Variants in DLG2 observed in about 807,000 individuals in gnomAD.
DLG2 encodes the protein discs large MAGUK scaffold protein 2.
A neutral mutation model predicts 132.5 loss-of-function variants in DLG2; 45 were observed. The ratio of observed to expected loss-of-function variants is 0.34; its 90% CI spans 0.27 to 0.44. The LOEUF is 0.44. Among genes scored for constraint, DLG2 ranks in the 20% least tolerant of loss-of-function variants. The pLI, the probability that DLG2 is intolerant of heterozygous loss-of-function variation, is 1.00. For missense variants in DLG2, 1,045 were observed against 1,196.9 expected (o/e 0.87, Z 1.87); for synonymous variants, 424 against 419.6 (o/e 1.01, Z -0.13).
chr11:84,560,621 A>G (rs1262394426), intron 6 of DLG2, among the ~76,000 whole-genome samples: 2 of 152,108 alleles, frequency 1.3e-5, no homozygotes, highest in Non-Finnish European at 1.5e-5. Flanking sequence ...GAAAGGTAAA[A>G]TAAAACAAAT....
chr11:85,565,856 T>C (rs1321512858), intron 3 of DLG2, among the ~76,000 whole-genome samples: 2 of 152,168 alleles, frequency 1.3e-5, no homozygotes, highest in African/African-American at 4.8e-5. Context: ...TTCAATTCTC[T>C]TGGGTATATA....
At chr11:84,163,618 A>C (rs1056084904) in intron 8 of DLG2, 107 bp from the exon 9 acceptor site, 1 of 845,848 alleles carries the variant, frequency 1.2e-6, no homozygotes, top group South Asian at 1.7e-5. Context: ...CTAGCTATAA[A>C]TAACCACATT....
At chr11:84,910,936 CAAA>C (rs1246432697) in intron 6 of DLG2, among the ~76,000 whole-genome samples, 5 of 151,902 alleles carry the variant, frequency 3.3e-5, no homozygotes, top group African/African-American at 1.2e-4. Context: ...GTATAGAAAA[CAAA>C]GAAGTTCCAT....
At chr11:84,404,840 C>A (rs753237308) in intron 7 of DLG2, among the ~76,000 whole-genome samples, 1 of 152,138 alleles carries the variant, frequency 6.6e-6, no homozygotes, top group Non-Finnish European at 1.5e-5. Flanking sequence ...CATATAATTT[C>A]CAAATCCTCA....
intron 17 of DLG2, among the ~76,000 whole-genome samples, chr11:83,819,303 C>G (rs149063705): frequency 1.3e-4 from 19 of 151,604 alleles, no homozygotes; most frequent in African/African-American, 4.4e-4. Flanking sequence ...AACCCCATCT[C>G]TACTGAAAAT....
intron 18 of DLG2, among the ~76,000 whole-genome samples, chr11:83,723,703 A>C (rs2089297898): frequency 6.6e-6 from 1 of 152,124 alleles, no homozygotes; most frequent in African/African-American, 2.4e-5. Flanking sequence ...AAAAAATACA[A>C]AAATTAGCCA....
At chr11:85,202,362 A>T (rs919410040) in intron 4 of DLG2, among the ~76,000 whole-genome samples, 2 of 152,196 alleles carry the variant, frequency 1.3e-5, no homozygotes, top group Non-Finnish European at 2.9e-5. Context: ...AAAATAGCCA[A>T]GTATATAAAG....
chr11:85,432,368 C>G (rs1333567781), intron 3 of DLG2, among the ~76,000 whole-genome samples: 1 of 152,078 alleles, frequency 6.6e-6, no homozygotes, highest in Non-Finnish European at 1.5e-5. Flanking sequence ...TGGGTAATAA[C>G]AAACTTCACT....
In DLG2 at chr11:85,543,859, G is replaced by T. The variant is rs189305289; in HGVS notation, c.40+54798C>A. ...GTTTGTTTTTTTTTCTTGTAAATTT[G>T]TTTAAGTTCTTTGTAGATTTTGGAT... On this transcript the variant is annotated intron_variant, in intron 3 of 27. Transcript: ENST00000376104. Among the ~76,000 whole-genome samples the T allele has an allele frequency of 4.8e-3, 728 of 151,588 alleles. 4 individuals are homozygous for T. The highest frequency in any genetic ancestry group is 8.0e-3 in the Non-Finnish European group (542 of 67,864).
intron 7 of DLG2, among the ~76,000 whole-genome samples, chr11:84,405,065 T>C (rs1337739079): frequency 6.6e-6 from 1 of 151,974 alleles, no homozygotes; most frequent in Non-Finnish European, 1.5e-5. Context: ...ATTCTTGTAA[T>C]AAGGAAGAGG....
In DLG2 at chr11:84,947,249, T is replaced by A. The variant is rs112965441; in HGVS notation, c.357+164412A>T. On this transcript the variant is annotated intron_variant, in intron 6 of 27. Transcript: ENST00000376104. ...CATTCTTGTGTGGATAGTTGGTCAATGTGTTGTTCCTTCTGGCAGGGGTAG... is the reference window on the plus strand; with the variant it reads ...CATTCTTGTGTGGATAGTTGGTCAAAGTGTTGTTCCTTCTGGCAGGGGTAG... 2.2e-3 allele frequency among the ~76,000 whole-genome samples: 332 copies of A among 152,266 alleles called. 1 individual carries two copies. Among genetic ancestry groups the A allele is most frequent in the African/African-American group, 7.7e-3 (318 of 41,548 alleles).
At chr11:83,791,312 G>T in intron 17 of DLG2, 1 of 673,510 alleles carries the variant, frequency 1.5e-6, no homozygotes, top group Non-Finnish European at 2.6e-6. Context: ...TTGCCTTTTG[G>T]CTTCTGTTTG....
intron 4 of DLG2, among the ~76,000 whole-genome samples, chr11:85,276,409 T>C (rs1485690192): frequency 1.3e-5 from 2 of 152,132 alleles, no homozygotes; most frequent in Non-Finnish European, 2.9e-5. Flanking sequence ...ATAGGAAAGA[T>C]GATAGTCATT....
intron 3 of DLG2, among the ~76,000 whole-genome samples, chr11:85,451,046 A>G (rs2092222775): frequency 6.6e-6 from 1 of 152,130 alleles, no homozygotes; most frequent in Non-Finnish European, 1.5e-5. Flanking sequence ...ACCCAAAATT[A>G]TCCTCTAAAT....
chr11:83,897,899 CT>C (rs2154095083), intron 15 of DLG2, among the ~76,000 whole-genome samples: 1 of 152,208 alleles, frequency 6.6e-6, no homozygotes, highest in African/African-American at 2.4e-5. Context: ...TTTAATCCTC[CT>C]GATGGTTGTA....
At chr11:84,387,771 T>G (rs888706448) in intron 7 of DLG2, among the ~76,000 whole-genome samples, 7 of 152,182 alleles carry the variant, frequency 4.6e-5, no homozygotes, top group Non-Finnish European at 7.4e-5. Flanking sequence ...TCTTTTCAGG[T>G]TTACTCAGAA....
intron 8 of DLG2, among the ~76,000 whole-genome samples, chr11:84,180,513 C>T (rs2096088151): frequency 6.6e-6 from 1 of 151,906 alleles, no homozygotes; most frequent in South Asian, 2.1e-4. Context: ...GACAACAAAT[C>T]ACAGATCCAG....
chr11:84,316,973 C>G, intron 7 of DLG2: 1 of 1,612,788 alleles, frequency 6.2e-7, no homozygotes, highest in Non-Finnish European at 8.5e-7. Flanking sequence ...TGAAGCTGGG[C>G]CCCCTGGTCC....
intron 6 of DLG2, among the ~76,000 whole-genome samples, chr11:84,937,041 A>G (rs184876631): frequency 6.0e-4 from 91 of 152,224 alleles, no homozygotes; most frequent in African/African-American, 2.1e-3. Context: ...AATCCCAGCT[A>G]TTCAGGAGGC....
Sources: allele counts gnomAD v4.1 joint callset (sites outside exome capture counted in the v4.1 genomes callset), GRCh38; gene constraint gnomAD v4.1.1; transcripts MANE v1.5; gene names NCBI Gene and HGNC (gene_info 2026-07-23, HGNC 2026-07-21).